The following KASH5 variants were observed in gnomAD, a reference collection of about 807,000 sequenced individuals.
KASH5 encodes the protein protein KASH5.
Under a neutral mutation model 84.2 loss-of-function variants are expected in KASH5, and 72 were observed. The ratio of observed to expected loss-of-function variants is 0.85; its 90% confidence interval spans 0.71 to 1.04. The LOEUF is 1.04. Ranked by LOEUF, KASH5 falls within the 50% of genes least tolerant of loss-of-function variation. The pLI is 0.00. For missense variants in KASH5, 650 were observed against 701.0 expected (o/e 0.93, Z 0.82); for synonymous variants, 260 against 279.1 (o/e 0.93, Z 0.68).
At chr19:49,398,211 C>T in intron 7 of KASH5, 68 bp downstream of exon 7, 3 of 1,402,842 alleles carry the variant, frequency 2.1e-6, no homozygotes, top group Non-Finnish European at 2.9e-6. Flanking sequence ...CAGCCGGCCT[C>T]TATCTCCCAT....
intron 15 of KASH5, among the ~76,000 whole-genome samples, chr19:49,411,933 AAGGAAGG>A (rs1311613292): frequency 1.5e-5 from 2 of 130,408 alleles, no homozygotes; most frequent in African/African-American, 3.2e-5. Flanking sequence ...GGAAGGAAGG[AAGGAAGG>A]AAGGAAGGAA....
intron 2 of KASH5, chr19:49,393,712 T>TGTGTGTGTAC (rs1330264982): frequency 6.6e-5 from 10 of 152,026 alleles, no homozygotes; most frequent in Middle Eastern, 6.5e-3. Context: ...TGTGTGTGTG[T>TGTGTGTGTAC]GTGTGTGTAC....
At chr19:49,390,748 G>GTGGCTGCTCTGAGGACACC in intron 1 of KASH5, 41 bp from the exon 2 acceptor site, 1 of 999,362 alleles carries the variant, frequency 1.0e-6, no homozygotes. Context: ...CCGACCCTTG[G>GTGGCTGCTCTGAGGACACC]TGGCTGCTCT....
rs375130235 is a variant in KASH5, at chr19:49,414,995, C to T, written c.1373C>T (p.Thr458Met). ...EEEEDAESQVTADLPVPLGAP... is the reference protein window; with the variant it reads ...EEEEDAESQVMADLPVPLGAP... ...GAGGAGGATGCAGAGAGCCAGGTCA[C>T]GGTAGGCAGTCCCCAGCACCCCTCC... The change falls in exon 17 of 20, where the codon ACG becomes ATG. Residue 458 changes from threonine (T) to methionine (M), a missense_variant and splice_region_variant. Thr to Met is a moderately conservative substitution (Grantham distance 81). Coordinates refer to ENST00000447857, the MANE Select transcript of KASH5 (RefSeq NM_144688.5). The surrounding 1 kb of genome is among the most constrained non-coding windows in gnomAD (Gnocchi z 4.5). The T allele has an allele frequency of 4.4e-5, 71 of 1,612,090 alleles. No individual in the cohort carries two copies. The highest frequency in any genetic ancestry group is 6.6e-5 in the South Asian group (6 of 90,436).
rs774623961 is a variant in KASH5 at position 49,399,288 on chromosome 19, T to A, written c.747+146T>A. 62 of 958,392 alleles carry A rather than the reference T, an allele frequency of 6.5e-5. No homozygotes were observed. The highest frequency in any genetic ancestry group is 8.9e-5 in the Non-Finnish European group (57 of 640,252). 59.4% of individuals were successfully genotyped at this position (958,392 alleles called of 1,614,324 possible). A position where few individuals can be genotyped will look rare whatever the true frequency, so the allele number is the denominator to read the frequency against. On this transcript the variant is annotated intron_variant, in intron 8 of 19. Coordinates refer to ENST00000447857, the MANE Select transcript of KASH5 (RefSeq NM_144688.5). This position sits in a 1 kb window ranked among gnomAD's most constrained non-coding sequence, Gnocchi z 4.4. ...CAGGCCCTGCTCACCCTAGACTTTT[T>A]CAAGCTTACCTGCCATCCTTCTCAT...
intron 2 of KASH5, among the ~76,000 whole-genome samples, chr19:49,394,142 C>G (rs761193672): frequency 2.6e-5 from 4 of 152,158 alleles, no homozygotes; most frequent in Non-Finnish European, 5.9e-5. Flanking sequence ...TTGCCCTCCC[C>G]GACCCTGTCC....
In KASH5 at chr19:49,415,004, G is replaced by A. The variant is rs1217149038; in HGVS notation, c.1374+8G>A. The A allele has an allele frequency of 1.9e-6, 3 of 1,611,008 alleles. No homozygotes were observed. In the Admixed American group the frequency reaches 5.0e-5, roughly 27 times the overall value. ...GCAGAGAGCCAGGTCACGGTAGGCA[G>A]TCCCCAGCACCCCTCCCCAGTCCCC... On this transcript the variant is annotated splice_region_variant and intron_variant, in intron 17 of 19. Transcript: ENST00000447857.
chr19:49,390,762 G>A (rs1225910322), intron 1 of KASH5, 27 bp from the exon 2 acceptor site: 2 of 1,107,398 alleles, frequency 1.8e-6, no homozygotes, highest in Non-Finnish European at 2.4e-6. Context: ...CTGCTCTGAG[G>A]ACACCATTTC....
chr19:49,412,144 A>C lies in KASH5; in HGVS notation c.1270-824A>C, dbSNP rs1281567914. On this transcript the variant is annotated intron_variant, in intron 15 of 19. Transcript: ENST00000447857. This position sits in a 1 kb window ranked among gnomAD's most constrained non-coding sequence, Gnocchi z 4.6. Reference sequence around the variant, plus strand: ...AAGCTAACAGATTGTACTTTTCTTCATAAAGCCACAAGAAGGGTGGGGTCA... The same window carrying C: ...AAGCTAACAGATTGTACTTTTCTTCCTAAAGCCACAAGAAGGGTGGGGTCA... Among the ~76,000 whole-genome samples, 3 of 152,224 alleles carry C rather than the reference A, an allele frequency of 2.0e-5. No homozygotes were observed. Among genetic ancestry groups the C allele is most frequent in the Non-Finnish European group, 4.4e-5 (3 of 68,040 alleles).
At chr19:49,400,525 T>C (rs1047403723) in intron 9 of KASH5, among the ~76,000 whole-genome samples, 1 of 151,970 alleles carries the variant, frequency 6.6e-6, no homozygotes. Flanking sequence ...CCACCACACC[T>C]GGCTAATTTT....
chr19:49,395,224 G>A lies in KASH5; in HGVS notation c.267G>A (p.Lys89=). 1.2e-6 allele frequency: 2 copies of A among 1,612,818 alleles called. No individual in the cohort carries two copies. The highest frequency in any genetic ancestry group is 1.7e-6 in the Non-Finnish European group (2 of 1,179,458). The part of the protein sequence containing the change: ...NSLDPNGEGP[K]ATVDLDTFLV... The stretch of plus-strand genomic sequence containing the variant: ...TGGACCCCAATGGGGAGGGCCCTAA[G>A]GCCACTGTGGACTTGGACACTTTCC... The change falls in exon 4 of 20, where the codon AAG becomes AAA. Residue 89 remains lysine, a synonymous_variant. Coordinates refer to ENST00000447857, the MANE Select transcript of KASH5 (RefSeq NM_144688.5). The surrounding 1 kb of genome is among the most constrained non-coding windows in gnomAD (Gnocchi z 4.4).
Position 49,395,849 on chromosome 19 carries a change from A to C in KASH5, c.400+16A>C. On this transcript the variant is annotated intron_variant, in intron 5 of 19. Transcript: ENST00000447857. The surrounding 1 kb of genome is among the most constrained non-coding windows in gnomAD (Gnocchi z 4.4). ...CTGCCATCTGGTGAGATTGCTATATATAGAATGAAGCAGGCAGGCCCTGGG... is the reference window on the plus strand; with the variant it reads ...CTGCCATCTGGTGAGATTGCTATATCTAGAATGAAGCAGGCAGGCCCTGGG... 1 of 1,550,782 alleles carries C rather than the reference A, an allele frequency of 6.4e-7. No homozygotes were observed.
At chr19:49,408,077 A>G (rs1364424141) in intron 12 of KASH5, among the ~76,000 whole-genome samples, 1 of 151,822 alleles carries the variant, frequency 6.6e-6, no homozygotes, top group Non-Finnish European at 1.5e-5. Context: ...CAGCATGCCC[A>G]GCTAATTTTT....
intron 2 of KASH5, among the ~76,000 whole-genome samples, chr19:49,392,911 CAA>C (rs34758110): frequency 1.1e-4 from 15 of 133,886 alleles, no homozygotes; most frequent in Non-Finnish European, 1.3e-4. Flanking sequence ...GACTCCATCT[CAA>C]AAAAAAAAAA....
At position 49,409,052 on chromosome 19, in the gene KASH5, TAGG is replaced by T. The variant is rs778231696; in HGVS notation, c.1058+28_1058+30del. The T allele has an allele frequency of 5.7e-6, 9 of 1,585,198 alleles. No individual in the cohort carries two copies. The East Asian group carries it at 2.1e-4, about 36-fold the overall frequency. ...GATGAGTGAGTGGAATTTCAAGGGG[TAGG>T]AGGAGGCAGGAGGGGAGCCTAAGGG... is the stretch of plus-strand genomic sequence containing the variant. On this transcript the variant is annotated intron_variant, in intron 13 of 19. Coordinates refer to ENST00000447857, the MANE Select transcript of KASH5 (RefSeq NM_144688.5).
chr19:49,415,033 C>T (rs1191213299), intron 17 of KASH5, 37 bp downstream of exon 17: 3 of 1,581,378 alleles, frequency 1.9e-6, no homozygotes, highest in South Asian at 1.1e-5. Flanking sequence ...AGTCCCCATC[C>T]ACTCCACACC....
chr19:49,415,261 C>A, intron 17 of KASH5: 1 of 552,830 alleles, frequency 1.8e-6, no homozygotes, highest in Admixed American at 3.1e-5. Flanking sequence ...AGCCACCACA[C>A]CGCAGGCCTC....
intron 12 of KASH5, 109 bp from the exon 13 acceptor site, chr19:49,408,858 C>A: frequency 8.9e-7 from 1 of 1,126,038 alleles, no homozygotes; most frequent in Non-Finnish European, 1.3e-6. Context: ...GTCTGGGGAG[C>A]CCAAAGTAGT....
chr19:49,412,565 G>C lies in KASH5; in HGVS notation c.1270-403G>C, dbSNP rs1020716888. On this transcript the variant is annotated intron_variant, in intron 15 of 19. Coordinates refer to ENST00000447857, the MANE Select transcript of KASH5 (RefSeq NM_144688.5). This position sits in a 1 kb window ranked among gnomAD's most constrained non-coding sequence, Gnocchi z 4.6. ...GGTACTTGGGTCCTGAGGGAGAGCA[G>C]ATAGATCCAGCCCAAGTCTGGGAAC... is the stretch of plus-strand genomic sequence containing the variant. Among the ~76,000 whole-genome samples the C allele has an allele frequency of 1.8e-4, 28 of 152,178 alleles. No individual in the cohort carries two copies. Among genetic ancestry groups the C allele is most frequent in the Admixed American group, 6.5e-5 (1 of 15,278 alleles).
Sources: gnomAD v4.1 joint callset for allele counts (sites outside exome capture counted in the v4.1 genomes callset) on GRCh38, gnomAD v4.1.1 for gene constraint, Gnocchi (gnomAD v3.1) non-coding constraint, MANE v1.5 for transcripts, NCBI Gene and HGNC (gene_info 2026-07-23, HGNC 2026-07-21) for gene names.